Variants in RYR3 observed in about 807,000 individuals in gnomAD.
RYR3 encodes brain ryanodine receptor-calcium release channel.
A neutral mutation model predicts 584.3 loss-of-function variants in RYR3; 207 were observed. The observed-to-expected ratio is 0.35, with a 90% CI of 0.32 to 0.40. RYR3 has a LOEUF of 0.40. Ranked by LOEUF, RYR3 falls within the 10% of genes least tolerant of loss-of-function variation. RYR3 has a pLI of 1.00. For synonymous variants in RYR3, 2,416 were observed against 2,248.5 expected (o/e 1.07, Z -2.11); for missense variants, 5,616 against 6,089.2 (o/e 0.92, Z 2.59).
At chr15:33,608,549 G>GAA (rs2060018210) in intron 18 of RYR3, among the ~76,000 whole-genome samples, 1 of 152,208 alleles carries the variant, frequency 6.6e-6, no homozygotes, top group Non-Finnish European at 1.5e-5. Flanking sequence ...TTTACAGTGT[G>GAA]AATATGATAT....
intron 31 of RYR3, among the ~76,000 whole-genome samples, chr15:33,650,464 C>A (rs1263128086): frequency 1.3e-5 from 2 of 152,164 alleles, no homozygotes; most frequent in African/African-American, 4.8e-5. Context: ...GTCACTTAAC[C>A]TCCCTGGGCC....
In RYR3 at chr15:33,428,736, C is replaced by T. The variant is rs80053353; in HGVS notation, c.52-44683C>T. Among the ~76,000 whole-genome samples the T allele has an allele frequency of 1.2e-3, 179 of 151,258 alleles. 1 individual carries two copies. Among genetic ancestry groups the T allele is most frequent in the African/African-American group, 4.1e-3 (170 of 41,250 alleles). On this transcript the variant is annotated intron_variant, in intron 1 of 103. Transcript: ENST00000634891. ...AATTAAGTTAGAGGATTTTTTTTTC[C>T]GTGACTTCATATTTTTAAGATGAGT...
At position 33,817,587 on chromosome 15, in the gene RYR3, C is replaced by T. The variant is rs543610779; in HGVS notation, c.10599+629C>T. Among the ~76,000 whole-genome samples the T allele has an allele frequency of 2.0e-5, 3 of 152,348 alleles. No homozygotes were observed. In the East Asian group the frequency reaches 5.8e-4, roughly 29 times the overall value. ...CTTACCACTCACTCTCTCCGTTCAT[C>T]TTGTCCTGTGTTTCTGATAGTCACT... On this transcript the variant is annotated intron_variant, in intron 75 of 103. Coordinates refer to ENST00000634891, the MANE Select transcript of RYR3 (RefSeq NM_001036.6).
At chr15:33,742,245 G>A (rs2288609) in intron 51 of RYR3, 121 bp from the exon 52 acceptor site, 182,907 of 698,368 alleles carry the variant, frequency 0.26, 28,146 homozygotes, top group Admixed American at 0.44. Flanking sequence ...TTTAGCTTTG[G>A]GATTGGCTGG....
In RYR3 at chr15:33,812,907, T is replaced by C; in HGVS notation, c.10302T>C (p.Asp3434=). The C allele has an allele frequency of 6.2e-7, 1 of 1,614,020 alleles. No individual in the cohort carries two copies. The highest frequency in any genetic ancestry group is 8.5e-7 in the Non-Finnish European group (1 of 1,179,864). ...AATGGCAACTGAACCTCTACAAGGA[T>C]GTTCTGAAGAGTGAAGAACCTTTCA... ...AVKWQLNLYK[D]VLKSEEPFNP... Residue 3434 remains aspartate, a synonymous_variant, in exon 73 of 104, where the codon GAT becomes GAC. Transcript: ENST00000634891.
At position 33,479,461 on chromosome 15, in the gene RYR3, A is replaced by G. The variant is rs138262275; in HGVS notation, c.171+5923A>G. Among the ~76,000 whole-genome samples the G allele has an allele frequency of 9.6e-3, 1,449 of 151,216 alleles. 28 individuals are homozygous for G. The highest frequency in any genetic ancestry group is 0.034 in the African/African-American group (1,375 of 40,900). The stretch of plus-strand genomic sequence containing the variant: ...AAAACTCCCTTATCATGTAATATGA[A>G]GAGGCATATAAGCTGAGATTTTGAC... On this transcript the variant is annotated intron_variant, in intron 2 of 103. Transcript: ENST00000634891.
At chr15:33,648,684 C>T (rs1180336618) in intron 30 of RYR3, among the ~76,000 whole-genome samples, 1 of 152,166 alleles carries the variant, frequency 6.6e-6, no homozygotes, top group Non-Finnish European at 1.5e-5. Flanking sequence ...GGGACTGTGC[C>T]CGCTCTCTCC....
chr15:33,657,476 A>G (rs147688545), intron 32 of RYR3, among the ~76,000 whole-genome samples: 7 of 152,208 alleles, frequency 4.6e-5, no homozygotes, highest in Non-Finnish European at 8.8e-5. Context: ...GAGGCCTACA[A>G]GTTGTTCTAG....
At chr15:33,626,111 TTAAG>T (rs2060971158) in intron 20 of RYR3, among the ~76,000 whole-genome samples, 1 of 152,210 alleles carries the variant, frequency 6.6e-6, no homozygotes. Flanking sequence ...CTCTCCTGAC[TTAAG>T]TAATCAGAAA....
chr15:33,373,254 A>G (rs1483216878), intron 1 of RYR3, among the ~76,000 whole-genome samples: 1 of 152,248 alleles, frequency 6.6e-6, no homozygotes, highest in East Asian at 1.9e-4. Context: ...ATGGTGTTAC[A>G]GTCCTTACAT....
intron 16 of RYR3, among the ~76,000 whole-genome samples, chr15:33,594,697 GCTGATTATAAACCCAC>G (rs2059289076): frequency 6.6e-6 from 1 of 152,134 alleles, no homozygotes; most frequent in African/African-American, 2.4e-5. Context: ...GAGTCCTACA[GCTGATTATAAACCCAC>G]CTTTTAGAGA....
At chr15:33,723,021 GACCCTTCA>G in intron 44 of RYR3, 126 bp downstream of exon 44, 1 of 846,596 alleles carries the variant, frequency 1.2e-6, no homozygotes, top group Non-Finnish European at 1.8e-6. Context: ...CTAAAACATT[GACCCTTCA>G]TCGAGAACAG....
At chr15:33,429,247 A>G (rs2044914199) in intron 1 of RYR3, among the ~76,000 whole-genome samples, 1 of 152,202 alleles carries the variant, frequency 6.6e-6, no homozygotes, top group Non-Finnish European at 1.5e-5. Context: ...CCACTCGGTT[A>G]TGAGCTGGTA....
chr15:33,799,776 G>T (rs575433384), intron 67 of RYR3, among the ~76,000 whole-genome samples: 1 of 152,314 alleles, frequency 6.6e-6, no homozygotes, highest in East Asian at 1.9e-4. Flanking sequence ...GTGGGTCTGA[G>T]CCCTTAACCT....
At chr15:33,505,836 A>G (rs567763610) in intron 3 of RYR3, among the ~76,000 whole-genome samples, 1 of 152,226 alleles carries the variant, frequency 6.6e-6, no homozygotes, top group Non-Finnish European at 1.5e-5. Flanking sequence ...TCCAAGATGT[A>G]TCATATAAAG....
intron 3 of RYR3, among the ~76,000 whole-genome samples, chr15:33,509,556 A>T (rs1375810167): frequency 6.6e-6 from 1 of 152,230 alleles, no homozygotes; most frequent in Non-Finnish European, 1.5e-5. Flanking sequence ...TTACATTTTT[A>T]AAAATACATA....
chr15:33,758,251 T>C (rs1338191876), intron 60 of RYR3, among the ~76,000 whole-genome samples: 1 of 152,066 alleles, frequency 6.6e-6, no homozygotes, highest in Admixed American at 6.5e-5. Context: ...GCAGAAGTTT[T>C]TTTTCCTACC....
chr15:33,621,005 T>C (rs1256191153), intron 19 of RYR3, among the ~76,000 whole-genome samples: 1 of 152,232 alleles, frequency 6.6e-6, no homozygotes, highest in Non-Finnish European at 1.5e-5. Context: ...ATGTGGCCAT[T>C]AGAGAAGATG....
At position 33,861,089 on chromosome 15, in the gene RYR3, C is replaced by T; in HGVS notation, c.14376C>T (p.Phe4792=). Residue 4792 remains phenylalanine (F), a synonymous_variant, in exon 102 of 104, where the codon TTC becomes TTT. Coordinates refer to ENST00000634891, the MANE Select transcript of RYR3 (RefSeq NM_001036.6). Reference sequence around the variant, plus strand: ...GTTATTTTTCTTAGACTAAATGTTTCATCTGTGGGATTGGCAATGACTACT... The same window carrying T: ...GTTATTTTTCTTAGACTAAATGTTTTATCTGTGGGATTGGCAATGACTACT... ...QVREDMETKC[F]ICGIGNDYFD... is the part of the protein sequence containing the mutation. The T allele has an allele frequency of 6.3e-7, 1 of 1,588,080 alleles. No homozygotes were observed. The highest frequency in any genetic ancestry group is 8.6e-7 in the Non-Finnish European group (1 of 1,165,752).
Sources: gnomAD v4.1 joint callset for allele counts (sites outside exome capture counted in the v4.1 genomes callset) on GRCh38, gnomAD v4.1.1 for gene constraint, MANE v1.5 for transcripts, NCBI Gene and HGNC (gene_info 2026-07-23, HGNC 2026-07-21) for gene names.